Variants in RTN1 observed in about 807,000 individuals in gnomAD.
RTN1 encodes reticulon 1, also known as reticulon-1.
In RTN1, 25 loss-of-function variants were observed where a neutral mutation model predicts 65.5. That is an observed-to-expected ratio of 0.38 (90% CI 0.28 to 0.53). The LOEUF is 0.53. RTN1 is among the 20% of genes least tolerant of loss of function. The pLI, the probability that RTN1 is intolerant of heterozygous loss-of-function variation, is 0.79. For missense variants in RTN1, 983 were observed against 1,025.4 expected (o/e 0.96, Z 0.57); for synonymous variants, 471 against 447.6 (o/e 1.05, Z -0.66).
chr14:59,748,491 C>T (rs954882933), intron 1 of RTN1, among the ~76,000 whole-genome samples: 31 of 152,146 alleles, frequency 2.0e-4, no homozygotes, highest in African/African-American at 6.5e-4. Flanking sequence ...AAAAATGACC[C>T]TAACCCTCCA....
intron 1 of RTN1, among the ~76,000 whole-genome samples, chr14:59,753,872 G>T (rs1885580631): frequency 6.6e-6 from 1 of 152,158 alleles, no homozygotes; most frequent in South Asian, 2.1e-4. Flanking sequence ...CAAGGATTCT[G>T]TGGAATATCT....
In RTN1 at chr14:59,816,864, C is replaced by T. The variant is rs1054563618; in HGVS notation, c.241+53526G>A. Among the ~76,000 whole-genome samples the T allele has an allele frequency of 2.0e-5, 3 of 152,170 alleles. No individual in the cohort carries two copies. Among genetic ancestry groups the T allele is most frequent in the Admixed American group, 6.5e-5 (1 of 15,292 alleles). On this transcript the variant is annotated intron_variant, in intron 1 of 8. Transcript: ENST00000267484. This position sits in a 1 kb window ranked among gnomAD's most constrained non-coding sequence, Gnocchi z 4.3. ...GGGAGGATCACCTGAGCCTGAGAGG[C>T]GGAGGTTGCAGTGAGTCGAGATCGC...
intron 3 of RTN1, among the ~76,000 whole-genome samples, chr14:59,712,846 G>A (rs1487569018): frequency 2.0e-5 from 3 of 150,766 alleles, no homozygotes; most frequent in Non-Finnish European, 4.4e-5. Flanking sequence ...GGGAGGTGGA[G>A]GTTACAGTGA....
chr14:59,846,417 T>G lies in RTN1; in HGVS notation c.241+23973A>C, dbSNP rs999719884. ...GGATCAGAGTTGATGTATGCACACG[T>G]GTGTACACACACACGTGTGTACCAC... On this transcript the variant is annotated intron_variant, in intron 1 of 8. Transcript: ENST00000267484. This position sits in a 1 kb window ranked among gnomAD's most constrained non-coding sequence, Gnocchi z 4.8. 2.6e-5 allele frequency among the ~76,000 whole-genome samples: 4 copies of G among 152,056 alleles called. No individual in the cohort carries two copies. Among genetic ancestry groups the G allele is most frequent in the African/African-American group, 9.7e-5 (4 of 41,370 alleles).
At chr14:59,852,582 A>G (rs745651546) in intron 1 of RTN1, among the ~76,000 whole-genome samples, 3 of 152,202 alleles carry the variant, frequency 2.0e-5, no homozygotes, top group Non-Finnish European at 4.4e-5. Flanking sequence ...ATGATGATGC[A>G]TCACTTATCT....
intron 3 of RTN1, among the ~76,000 whole-genome samples, chr14:59,678,539 C>T (rs1883677264): frequency 6.6e-6 from 1 of 152,208 alleles, no homozygotes; most frequent in East Asian, 1.9e-4. Context: ...CCTTGTGCCT[C>T]ATCCTTTGTG....
At chr14:59,630,578 G>T in intron 3 of RTN1, 1 of 1,600,600 alleles carries the variant, frequency 6.2e-7, no homozygotes. Flanking sequence ...TTGGTGCCCG[G>T]CTGCTGCGGC....
intron 3 of RTN1, among the ~76,000 whole-genome samples, chr14:59,633,546 GCCA>G (rs1415976510): frequency 6.6e-6 from 1 of 152,186 alleles, no homozygotes; most frequent in Non-Finnish European, 1.5e-5. Context: ...GAAAGCTCTT[GCCA>G]AGATCAAAAC....
chr14:59,696,540 T>C (rs1018813893), intron 3 of RTN1, among the ~76,000 whole-genome samples: 4 of 151,926 alleles, frequency 2.6e-5, no homozygotes, highest in Non-Finnish European at 4.4e-5. Flanking sequence ...AGATACTACA[T>C]GGAAAATGCT....
intron 3 of RTN1, among the ~76,000 whole-genome samples, chr14:59,715,572 TC>T (rs1884516152): frequency 6.6e-6 from 1 of 152,184 alleles, no homozygotes; most frequent in Non-Finnish European, 1.5e-5. Context: ...ACGCCTGTAA[TC>T]CCAGCACTTT....
intron 1 of RTN1, among the ~76,000 whole-genome samples, chr14:59,750,089 ATATAT>A (rs1169777286): frequency 1.2e-4 from 7 of 57,210 alleles, no homozygotes; most frequent in Admixed American, 6.5e-4. Context: ...TTATAGACAT[ATATAT>A]TATATATTAT....
At chr14:59,621,493 T>C (rs1297121382) in intron 3 of RTN1, among the ~76,000 whole-genome samples, 3 of 152,186 alleles carry the variant, frequency 2.0e-5, no homozygotes, top group African/African-American at 4.8e-5. Flanking sequence ...GTGATCACCA[T>C]AGTCCTCAAA....
intron 3 of RTN1, among the ~76,000 whole-genome samples, chr14:59,618,976 C>T (rs1490227265): frequency 2.6e-5 from 4 of 152,098 alleles, no homozygotes; most frequent in African/African-American, 4.8e-5. Context: ...AATGTTGTCT[C>T]GATGCCAACA....
chr14:59,818,728 G>T (rs1886867271), intron 1 of RTN1, among the ~76,000 whole-genome samples: 1 of 152,136 alleles, frequency 6.6e-6, no homozygotes, highest in African/African-American at 2.4e-5. Flanking sequence ...TAACTTATTT[G>T]AGAATTCTCC....
intron 1 of RTN1, among the ~76,000 whole-genome samples, chr14:59,858,571 A>G (rs1262635696): frequency 2.0e-5 from 3 of 152,272 alleles, no homozygotes; most frequent in African/African-American, 4.8e-5. Flanking sequence ...CAAACTCAGA[A>G]AGCAAGAATT....
At chr14:59,668,165 A>G (rs1290766806) in intron 3 of RTN1, among the ~76,000 whole-genome samples, 2 of 152,186 alleles carry the variant, frequency 1.3e-5, no homozygotes, top group African/African-American at 4.8e-5. Context: ...ACAGAAAAAG[A>G]ACAAAGCTGG....
intron 1 of RTN1, among the ~76,000 whole-genome samples, chr14:59,853,338 A>G (rs1205754545): frequency 6.6e-6 from 1 of 152,214 alleles, no homozygotes; most frequent in African/African-American, 2.4e-5. Context: ...CATAGCTCTG[A>G]TGAATACTGA....
At chr14:59,612,225 C>A (rs544318992) in intron 3 of RTN1, among the ~76,000 whole-genome samples, 10 of 152,300 alleles carry the variant, frequency 6.6e-5, no homozygotes, top group African/African-American at 2.4e-4. Context: ...AAGAATCTTG[C>A]CTGTGGTTCC....
At chr14:59,664,328 G>C (rs1883316779) in intron 3 of RTN1, among the ~76,000 whole-genome samples, 1 of 152,114 alleles carries the variant, frequency 6.6e-6, no homozygotes, top group Non-Finnish European at 1.5e-5. Flanking sequence ...GTGGTGGGGG[G>C]AAAGGGAAGT....
Sources: gnomAD v4.1 joint callset for allele counts (sites outside exome capture counted in the v4.1 genomes callset) on GRCh38, gnomAD v4.1.1 for gene constraint, Gnocchi (gnomAD v3.1) non-coding constraint, MANE v1.5 for transcripts, NCBI Gene and HGNC (gene_info 2026-07-23, HGNC 2026-07-21) for gene names.